Variants in CSGALNACT1 observed in about 807,000 individuals in gnomAD.
CSGALNACT1 encodes the protein beta4GalNAcT-1.
Under a neutral mutation model 51.0 loss-of-function variants are expected in CSGALNACT1, and 52 were observed. The observed-to-expected ratio is 1.02, with a 90% CI of 0.82 to 1.29. The LOEUF (loss-of-function observed/expected upper bound fraction) is 1.29, where lower values mean the gene tolerates loss of function less well. Among genes scored for constraint, CSGALNACT1 ranks in the 50% most tolerant of loss-of-function variants. The pLI is 0.00. For missense variants in CSGALNACT1, 935 were observed against 679.2 expected (o/e 1.38, Z -4.19); for synonymous variants, 341 against 254.4 (o/e 1.34, Z -3.24).
rs374277882 is a variant in CSGALNACT1, at chr8:19,682,264, C to T, written c.-544+209G>A. Among the ~76,000 whole-genome samples the T allele has an allele frequency of 5.3e-5, 8 of 152,204 alleles. No individual in the cohort carries two copies. The East Asian group carries it at 7.7e-4, about 15-fold the overall frequency. ...CCTCGGGTCCAGCAAGTGTTAGGAGCGAGCCTGTCTCTCCTCTCCCTGCTT... is the reference window on the plus strand; with the variant it reads ...CCTCGGGTCCAGCAAGTGTTAGGAGTGAGCCTGTCTCTCCTCTCCCTGCTT... On this transcript the variant is annotated intron_variant, in intron 1 of 9. Transcript: ENST00000332246.
chr8:19,722,078 T>G (rs1208360970), intron 1 of CSGALNACT1, among the ~76,000 whole-genome samples: 1 of 152,224 alleles, frequency 6.6e-6, no homozygotes, highest in Non-Finnish European at 1.5e-5. Context: ...TTGGTTTAAA[T>G]TCAATAGAAA....
chr8:19,528,285 A>C (rs1194586807), intron 3 of CSGALNACT1, among the ~76,000 whole-genome samples: 2 of 152,088 alleles, frequency 1.3e-5, no homozygotes, highest in Non-Finnish European at 2.9e-5. Flanking sequence ...AAAAGAAAAA[A>C]AAAAAGCAAG....
Position 19,457,883 on chromosome 8 carries a change from G to C in CSGALNACT1, c.851+543C>G, listed in dbSNP as rs187492617. On this transcript the variant is annotated intron_variant, in intron 5 of 9. Coordinates refer to ENST00000454498, the Ensembl canonical transcript of CSGALNACT1. ...AAAATGTGGGCTTGAAACCTTCTTGGTATAATTCTACACTTAAGTCTAAGA... is the reference window on the plus strand; with the variant it reads ...AAAATGTGGGCTTGAAACCTTCTTGCTATAATTCTACACTTAAGTCTAAGA... 118 of 1,036,526 alleles carry C rather than the reference G, an allele frequency of 1.1e-4. No individual in the cohort carries two copies. In the African/African-American group the frequency reaches 1.5e-3, roughly 13 times the overall value. The allele number at this position is 1,036,526 out of a possible 1,614,324, so 64.2% of individuals were successfully genotyped here. A position where few individuals can be genotyped will look rare whatever the true frequency, so the allele number is the denominator to read the frequency against.
intron 1 of CSGALNACT1, among the ~76,000 whole-genome samples, chr8:19,659,917 A>C (rs2058616522): frequency 6.6e-6 from 1 of 152,196 alleles, no homozygotes; most frequent in Non-Finnish European, 1.5e-5. Context: ...TCATGGCAAA[A>C]ATACTGCCTC....
At chr8:19,600,430 A>T (rs925291441) in intron 2 of CSGALNACT1, among the ~76,000 whole-genome samples, 1 of 152,108 alleles carries the variant, frequency 6.6e-6, no homozygotes, top group African/African-American at 2.4e-5. Flanking sequence ...GCATTATCTC[A>T]AGGTCTTACT....
At chr8:19,436,048 G>A (rs1439935827) in intron 6 of CSGALNACT1, among the ~76,000 whole-genome samples, 2 of 152,078 alleles carry the variant, frequency 1.3e-5, no homozygotes, top group Non-Finnish European at 2.9e-5. Flanking sequence ...TCACAAACTG[G>A]TGTTTGCAGA....
intron 3 of CSGALNACT1, among the ~76,000 whole-genome samples, chr8:19,520,529 T>C (rs1198055174): frequency 2.6e-5 from 4 of 152,244 alleles, no homozygotes; most frequent in African/African-American, 7.2e-5. Context: ...CTGATTATTA[T>C]GGCATTAGCT....
intron 1 of CSGALNACT1, among the ~76,000 whole-genome samples, chr8:19,736,693 G>A (rs1252661404): frequency 6.6e-6 from 1 of 151,976 alleles, no homozygotes; most frequent in Non-Finnish European, 1.5e-5. Flanking sequence ...ACAGAAAATA[G>A]AGCTGAAAAA....
At chr8:19,493,889 C>T (rs1402377934) in intron 4 of CSGALNACT1, among the ~76,000 whole-genome samples, 1 of 151,988 alleles carries the variant, frequency 6.6e-6, no homozygotes, top group Admixed American at 6.6e-5. Flanking sequence ...CACACACACA[C>T]ACACACACAC....
chr8:19,660,435 GA>G (rs1445182211), intron 1 of CSGALNACT1, among the ~76,000 whole-genome samples: 2 of 152,150 alleles, frequency 1.3e-5, no homozygotes, highest in Non-Finnish European at 2.9e-5. Flanking sequence ...GCAGAAATAA[GA>G]CTCAACCCTG....
intron 4 of CSGALNACT1, among the ~76,000 whole-genome samples, chr8:19,483,627 G>A (rs182513691): frequency 6.6e-6 from 1 of 152,212 alleles, no homozygotes; most frequent in East Asian, 1.9e-4. Flanking sequence ...TGGATCTGAT[G>A]GCCTTCCTTC....
At chr8:19,719,672 C>T (rs764405572) in intron 1 of CSGALNACT1, among the ~76,000 whole-genome samples, 30 of 152,284 alleles carry the variant, frequency 2.0e-4, no homozygotes, top group Non-Finnish European at 3.8e-4. Context: ...TAAAGCTTCA[C>T]GTCCACAGTT....
Position 19,474,503 on chromosome 8 carries a change from G to C in CSGALNACT1, c.635-15861C>G, listed in dbSNP as rs534417279. ...TAAGGGCAGTGACTAAAGCCCAGAT[G>C]ATAGTGAATGGAGAGATATGCTTCG... On this transcript the variant is annotated intron_variant, in intron 4 of 9. Coordinates refer to ENST00000454498, the Ensembl canonical transcript of CSGALNACT1. Among the ~76,000 whole-genome samples the C allele has an allele frequency of 3.3e-5, 5 of 152,230 alleles. No individual in the cohort carries two copies. The East Asian group carries it at 7.7e-4, about 24-fold the overall frequency.
intron 1 of CSGALNACT1, among the ~76,000 whole-genome samples, chr8:19,718,013 G>C (rs1303561577): frequency 6.6e-6 from 1 of 152,152 alleles, no homozygotes; most frequent in Non-Finnish European, 1.5e-5. Context: ...CGCAGGGCTG[G>C]GCATCATGGG....
At chr8:19,665,063 G>C (rs970837682) in intron 1 of CSGALNACT1, among the ~76,000 whole-genome samples, 10 of 152,236 alleles carry the variant, frequency 6.6e-5, no homozygotes, top group Admixed American at 1.3e-4. Flanking sequence ...GCCCAGGCTG[G>C]AGTGCACTGA....
intron 1 of CSGALNACT1, among the ~76,000 whole-genome samples, chr8:19,645,578 A>G (rs2057194758): frequency 6.6e-6 from 1 of 152,220 alleles, no homozygotes; most frequent in Non-Finnish European, 1.5e-5. Context: ...GGGTGGGCGT[A>G]AGGTTGAGAT....
intron 1 of CSGALNACT1, among the ~76,000 whole-genome samples, chr8:19,742,201 C>G (rs1429590205): frequency 6.6e-6 from 1 of 152,050 alleles, no homozygotes; most frequent in Admixed American, 6.6e-5. Context: ...ATTTTATAGA[C>G]AAAACAACTG....
intron 6 of CSGALNACT1, among the ~76,000 whole-genome samples, chr8:19,421,756 G>C (rs934008746): frequency 6.6e-6 from 1 of 152,298 alleles, no homozygotes; most frequent in Non-Finnish European, 1.5e-5. Context: ...CTAGTTCTGC[G>C]ACTCCCTCCT....
At chr8:19,409,963 C>A (rs1009079285) in intron 8 of CSGALNACT1, among the ~76,000 whole-genome samples, 2 of 152,178 alleles carry the variant, frequency 1.3e-5, no homozygotes, top group African/African-American at 4.8e-5. Flanking sequence ...CTTCCCCCTT[C>A]CTGAAGTTTC....
Sources: allele counts gnomAD v4.1 joint callset (sites outside exome capture counted in the v4.1 genomes callset), GRCh38; gene constraint gnomAD v4.1.1; transcripts MANE v1.5; gene names NCBI Gene and HGNC (gene_info 2026-07-23, HGNC 2026-07-21).